Variants in APCDD1 observed in about 807,000 individuals in gnomAD.
APCDD1 encodes the protein protein APCDD1.
APCDD1 carries 15 observed loss-of-function variants against 38.1 expected under a neutral mutation model. The ratio of observed to expected loss-of-function variants is 0.39; its 90% CI spans 0.26 to 0.61. APCDD1 has a LOEUF of 0.61. Among genes scored for constraint, APCDD1 ranks in the 20% least tolerant of loss-of-function variants. APCDD1 has a pLI of 0.49. For synonymous variants in APCDD1, 261 were observed against 279.7 expected, an observed-to-expected ratio of 0.93 and a Z score of 0.67; for missense variants, 647 against 696.2, an observed-to-expected ratio of 0.93 and a Z score of 0.79.
At chr18:10,468,871 A>T (rs76695028) in intron 2 of APCDD1, among the ~76,000 whole-genome samples, 2,313 of 152,222 alleles carry the variant, frequency 0.015, 46 homozygotes, top group African/African-American at 0.052. Flanking sequence ...ATTATATTGT[A>T]CTCCTGTTAA....
intron 3 of APCDD1, among the ~76,000 whole-genome samples, chr18:10,480,158 G>A (rs1598399785): frequency 6.6e-6 from 1 of 152,140 alleles, no homozygotes; most frequent in African/African-American, 2.4e-5. Context: ...TGGTGAGCCT[G>A]GGAGAGGACA....
intron 1 of APCDD1, among the ~76,000 whole-genome samples, chr18:10,463,601 C>T (rs1321644520): frequency 6.6e-6 from 1 of 152,122 alleles, no homozygotes; most frequent in Non-Finnish European, 1.5e-5. Context: ...TTTTAATTCC[C>T]AGCCATTTAA....
At chr18:10,479,607 C>A (rs1158331381) in intron 3 of APCDD1, among the ~76,000 whole-genome samples, 2 of 152,220 alleles carry the variant, frequency 1.3e-5, no homozygotes, top group Non-Finnish European at 2.9e-5. Context: ...CAGCTCTGGC[C>A]AGGAGGCAGC....
rs1187015079 is a variant in APCDD1, at chr18:10,472,500, A to C, written c.774+439A>C. 1.3e-5 allele frequency among the ~76,000 whole-genome samples: 2 copies of C among 152,116 alleles called. No homozygotes were observed. The highest frequency in any genetic ancestry group is 3.9e-4 in the East Asian group (2 of 5,180). ...GGAGGCGGGGAGGGACAGAAAGGGG[A>C]GGTGACAGTGGGATTTGTGTGGGGT... On this transcript the variant is annotated intron_variant, in intron 3 of 4. Coordinates refer to ENST00000355285, the MANE Select transcript of APCDD1 (RefSeq NM_153000.5). This position sits in a 1 kb window ranked among gnomAD's most constrained non-coding sequence, Gnocchi z 6.6.
At position 10,454,944 on chromosome 18, in the gene APCDD1, G is replaced by A. The variant is rs373981457; in HGVS notation, c.-38G>A. 22 of 1,492,114 alleles carry A rather than the reference G, an allele frequency of 1.5e-5. No homozygotes were observed. In the African/African-American group the frequency reaches 3.1e-4, roughly 21 times the overall value. The allele number at this position is 1,492,114 out of a possible 1,614,324, so 92.4% of individuals were successfully genotyped here. On this transcript the variant is annotated 5_prime_UTR_variant, in exon 1 of 5. Coordinates refer to ENST00000355285, the MANE Select transcript of APCDD1 (RefSeq NM_153000.5). ...GCCCAGTTGCCCGGGCACCAAATCGGAGCGCGGCGTGCGGGAGGCCCCAGA... is the reference window on the plus strand; with the variant it reads ...GCCCAGTTGCCCGGGCACCAAATCGAAGCGCGGCGTGCGGGAGGCCCCAGA...
chr18:10,479,175 G>T (rs1033183919), intron 3 of APCDD1, among the ~76,000 whole-genome samples: 1 of 152,204 alleles, frequency 6.6e-6, no homozygotes, highest in Non-Finnish European at 1.5e-5. Context: ...CAGTTACAAA[G>T]AAAGTTTTCA....
At chr18:10,483,732 A>G (rs938174463) in intron 3 of APCDD1, among the ~76,000 whole-genome samples, 1 of 152,124 alleles carries the variant, frequency 6.6e-6, no homozygotes, top group African/African-American at 2.4e-5. Flanking sequence ...GAGGCCATGA[A>G]CTGATGGCAT....
rs1422701722 is a variant in APCDD1 at position 10,489,866 on chromosome 18, A to G, written c.*1828A>G. ...ACTAACTTAAATGGCCACCAAGTTC[A>G]ATAAACAAAGATGTCAAAATACTCT... On this transcript the variant is annotated 3_prime_UTR_variant, in exon 5 of 5. Coordinates refer to ENST00000355285, the MANE Select transcript of APCDD1 (RefSeq NM_153000.5). 6.6e-6 allele frequency: 1 copy of G among 152,198 alleles called. No homozygotes were observed. The highest frequency in any genetic ancestry group is 1.5e-5 in the Non-Finnish European group (1 of 68,040). The allele number at this position is 152,198 out of a possible 1,614,324, so 9.4% of individuals were successfully genotyped here. A position where few individuals can be genotyped will look rare whatever the true frequency, so the allele number is the denominator to read the frequency against.
At chr18:10,483,859 G>T (rs971026542) in intron 3 of APCDD1, among the ~76,000 whole-genome samples, 1 of 152,222 alleles carries the variant, frequency 6.6e-6, no homozygotes, top group Admixed American at 6.5e-5. Context: ...CGTTCTGCTA[G>T]CCTACCAGCT....
At position 10,485,836 on chromosome 18, in the gene APCDD1, C is replaced by T; in HGVS notation, c.1096+53C>T. ...TCACAGCCAATAAACAGCCCTGTGA[C>T]ATTTTTGTGGAGGCAGAGCTGAGGG... On this transcript the variant is annotated intron_variant, in intron 4 of 4. Transcript: ENST00000355285. This position sits in a 1 kb window ranked among gnomAD's most constrained non-coding sequence, Gnocchi z 5.8. The T allele has an allele frequency of 6.3e-7, 1 of 1,583,374 alleles. No homozygotes were observed. The highest frequency in any genetic ancestry group is 8.6e-7 in the Non-Finnish European group (1 of 1,163,492).
At position 10,471,483 on chromosome 18, in the gene APCDD1, A is replaced by T. The variant is rs760571177; in HGVS notation, c.243-47A>T. 2.6e-5 allele frequency: 42 copies of T among 1,611,290 alleles called. 2 individuals carry two copies. The South Asian group carries it at 4.6e-4, about 18-fold the overall frequency. On this transcript the variant is annotated intron_variant, in intron 2 of 4. Coordinates refer to ENST00000355285, the MANE Select transcript of APCDD1 (RefSeq NM_153000.5). The surrounding 1 kb of genome is among the most constrained non-coding windows in gnomAD (Gnocchi z 5.5). ...TAATACTATAATGAATCTCTTTCCC[A>T]TACCTTCAGGCTTACAAAGGTCTCT...
intron 1 of APCDD1, among the ~76,000 whole-genome samples, chr18:10,464,327 C>CACACAG (rs1423790916): frequency 4.7e-5 from 7 of 150,372 alleles, no homozygotes; most frequent in Non-Finnish European, 7.4e-5. Flanking sequence ...CACACACACA[C>CACACAG]ACACACACAC....
At chr18:10,473,336 G>A (rs943058524) in intron 3 of APCDD1, among the ~76,000 whole-genome samples, 6 of 152,140 alleles carry the variant, frequency 3.9e-5, no homozygotes, top group South Asian at 2.1e-4. Context: ...CTGTGTCCCC[G>A]CGTGTGAGAT....
chr18:10,483,643 C>A (rs2031187102), intron 3 of APCDD1, among the ~76,000 whole-genome samples: 1 of 152,224 alleles, frequency 6.6e-6, no homozygotes, highest in Non-Finnish European at 1.5e-5. Flanking sequence ...AGATCTCCAA[C>A]TTTAGAGAAC....
rs147708003 is a variant in APCDD1 at position 10,469,289 on chromosome 18, C to T, written c.242+637C>T. ...TGGGATCTGATCACTTCTCCCTGTG[C>T]GCTGTTCCCGGGATATGGATAGCAG... On this transcript the variant is annotated intron_variant, in intron 2 of 4. Transcript: ENST00000355285. The surrounding 1 kb of genome is among the most constrained non-coding windows in gnomAD (Gnocchi z 5.5). Among the ~76,000 whole-genome samples, 6 of 152,158 alleles carry T rather than the reference C, an allele frequency of 3.9e-5. No individual in the cohort carries two copies. The highest frequency in any genetic ancestry group is 2.1e-4 in the South Asian group (1 of 4,812).
chr18:10,462,518 CTT>C (rs2030580528), intron 1 of APCDD1, among the ~76,000 whole-genome samples: 1 of 67,996 alleles, frequency 1.5e-5, no homozygotes, highest in African/African-American at 8.6e-5. Context: ...TCCTTCCTTC[CTT>C]CCTGTGACCC....
In APCDD1 at chr18:10,489,756, A is replaced by G. The variant is rs1213730083; in HGVS notation, c.*1718A>G. On this transcript the variant is annotated 3_prime_UTR_variant, in exon 5 of 5. Transcript: ENST00000355285. ...ACAGCATTCAGTGTGGCATTAAGTT[A>G]CAACGACCACATAGAGTACCAAAGT... 5.3e-5 allele frequency: 8 copies of G among 151,390 alleles called. No homozygotes were observed. Among genetic ancestry groups the G allele is most frequent in the Admixed American group, 1.3e-4 (2 of 15,254 alleles). 9.4% of individuals were successfully genotyped at this position (151,390 alleles called of 1,614,324 possible). A position where few individuals can be genotyped will look rare whatever the true frequency, so the allele number is the denominator to read the frequency against.
Position 10,472,129 on chromosome 18 carries a change from T to C in APCDD1, c.774+68T>C. On this transcript the variant is annotated intron_variant, in intron 3 of 4. Transcript: ENST00000355285. This position sits in a 1 kb window ranked among gnomAD's most constrained non-coding sequence, Gnocchi z 6.6. ...GGTGATCCTTCTTAAAGGCTTGCCA[T>C]GGGGGCTCTAGGGCACCCTTGAAAG... 2 of 1,604,918 alleles carry C rather than the reference T, an allele frequency of 1.2e-6. No homozygotes were observed. The highest frequency in any genetic ancestry group is 2.2e-5 in the East Asian group (1 of 44,852).
Position 10,469,665 on chromosome 18 carries a change from A to G in APCDD1, c.242+1013A>G, listed in dbSNP as rs2030804523. Reference sequence around the variant, plus strand: ...GGGGCAGCAACAGGTGCTAAAAGAGAATACCAGGGGGCCCCATTTTAAAAT... The same window carrying G: ...GGGGCAGCAACAGGTGCTAAAAGAGGATACCAGGGGGCCCCATTTTAAAAT... On this transcript the variant is annotated intron_variant, in intron 2 of 4. Transcript: ENST00000355285. This position sits in a 1 kb window ranked among gnomAD's most constrained non-coding sequence, Gnocchi z 5.5. Among the ~76,000 whole-genome samples, 2 of 152,140 alleles carry G rather than the reference A, an allele frequency of 1.3e-5. No individual in the cohort carries two copies. Among genetic ancestry groups the G allele is most frequent in the African/African-American group, 4.8e-5 (2 of 41,400 alleles).
Sources: gnomAD v4.1 joint callset for allele counts (sites outside exome capture counted in the v4.1 genomes callset) on GRCh38, gnomAD v4.1.1 for gene constraint, Gnocchi (gnomAD v3.1) non-coding constraint, MANE v1.5 for transcripts, NCBI Gene and HGNC (gene_info 2026-07-23, HGNC 2026-07-21) for gene names.